Variants in ZNF407 observed in about 807,000 individuals in gnomAD.
ZNF407 encodes zinc finger protein 407.
A neutral mutation model predicts 131.2 loss-of-function variants in ZNF407; 17 were observed. The observed-to-expected ratio is 0.13, with a 90% confidence interval of 0.09 to 0.19. The LOEUF is 0.19. Ranked by LOEUF, ZNF407 falls within the 10% of genes least tolerant of loss-of-function variation. The pLI, the probability that ZNF407 is intolerant of heterozygous loss-of-function variation, is 1.00. For synonymous variants in ZNF407, 1,156 were observed against 1,062.0 expected, an observed-to-expected ratio of 1.09 and a Z score of -1.72; for missense variants, 2,681 against 2,830.6, an observed-to-expected ratio of 0.95 and a Z score of 1.20.
intron 4 of ZNF407, among the ~76,000 whole-genome samples, chr18:74,845,020 G>A (rs1048886431): frequency 1.3e-5 from 2 of 152,184 alleles, no homozygotes; most frequent in Admixed American, 6.5e-5. Context: ...GGAGTAAAGC[G>A]TGTGGCTCAG....
intron 3 of ZNF407, among the ~76,000 whole-genome samples, chr18:74,692,821 C>G (rs1010468141): frequency 2.6e-5 from 4 of 152,138 alleles, no homozygotes; most frequent in Non-Finnish European, 5.9e-5. Flanking sequence ...CCACCCCTCC[C>G]CCAGAGCAGT....
rs1277766548 is a variant in ZNF407 at position 75,024,628 on chromosome 18, A to T, written c.5429-38522A>T. Among the ~76,000 whole-genome samples the T allele has an allele frequency of 2.6e-5, 4 of 152,216 alleles. No homozygotes were observed. The East Asian group carries it at 7.7e-4, about 29-fold the overall frequency. On this transcript the variant is annotated intron_variant, in intron 8 of 8. Transcript: ENST00000299687. ...CTCTGTGTAATGGTGTATATTTTTA[A>T]AGGAATTATCTTGAATAATTTCATC... is the stretch of plus-strand genomic sequence containing the variant.
chr18:74,755,812 A>T (rs376073751), intron 3 of ZNF407, among the ~76,000 whole-genome samples: 10 of 55,868 alleles, frequency 1.8e-4, no homozygotes, highest in Non-Finnish European at 2.3e-4. Context: ...TCATTCGTTC[A>T]TTCATTCCTC....
intron 8 of ZNF407, among the ~76,000 whole-genome samples, chr18:75,055,520 G>A (rs1158481381): frequency 1.3e-5 from 2 of 152,198 alleles, no homozygotes. Flanking sequence ...GCATGAAAAT[G>A]ATAATATAGA....
In ZNF407 at chr18:74,732,634, G is replaced by A. The variant is rs150684028; in HGVS notation, c.4803-48794G>A. ...TAACCAGGAAGTGATAGTAAAATCA[G>A]TTTTGTAATCAGCTTTGTAATTCTC... On this transcript the variant is annotated intron_variant, in intron 3 of 8. Transcript: ENST00000299687. Among the ~76,000 whole-genome samples the A allele has an allele frequency of 2.0e-3, 311 of 152,192 alleles. 1 individual carries two copies. Among genetic ancestry groups the A allele is most frequent in the African/African-American group, 7.0e-3 (292 of 41,538 alleles).
intron 8 of ZNF407, among the ~76,000 whole-genome samples, chr18:75,034,919 T>A (rs533210318): frequency 3.3e-5 from 5 of 152,206 alleles, no homozygotes; most frequent in African/African-American, 1.2e-4. Flanking sequence ...TTCATAACTC[T>A]AGGTAAACAG....
chr18:74,599,172 A>G (rs982443496), intron 1 of ZNF407, among the ~76,000 whole-genome samples: 4 of 152,158 alleles, frequency 2.6e-5, no homozygotes, highest in African/African-American at 7.2e-5. Context: ...GTGTAGTAGG[A>G]ATTATTCCCT....
chr18:74,760,748 C>T (rs1033392276), intron 3 of ZNF407, among the ~76,000 whole-genome samples: 1 of 151,972 alleles, frequency 6.6e-6, no homozygotes, highest in Non-Finnish European at 1.5e-5. Flanking sequence ...GACCGCTCCT[C>T]CTAGCTCCTA....
At chr18:74,616,989 C>T (rs1181105410) in intron 1 of ZNF407, among the ~76,000 whole-genome samples, 15 of 127,168 alleles carry the variant, frequency 1.2e-4, no homozygotes, top group South Asian at 2.5e-4. Context: ...TCCATATCCA[C>T]GCACCACACG....
chr18:74,983,446 G>A (rs911292340), intron 8 of ZNF407, among the ~76,000 whole-genome samples: 5 of 152,260 alleles, frequency 3.3e-5, no homozygotes, highest in South Asian at 2.1e-4. Flanking sequence ...ATAAACTTGC[G>A]TATAACAACC....
At position 74,633,754 on chromosome 18, in the gene ZNF407, G is replaced by A. The variant is rs1260803979; in HGVS notation, c.2735G>A (p.Ser912Asn). The A allele has an allele frequency of 6.2e-7, 1 of 1,613,994 alleles. No individual in the cohort carries two copies. The highest frequency in any genetic ancestry group is 8.5e-7 in the Non-Finnish European group (1 of 1,179,898). ...AAAGGACGGGTAGAAATAGAAGCAA[G>A]TGGAAAACACAGTTCAGATATCATT... ...KHKGRVEIEA[S>N]GKHSSDIIVG... Residue 912 changes from serine (S) to asparagine (N), a missense_variant, in exon 2 of 9, where the codon AGT becomes AAT. Physicochemically the swap from Ser to Asn is conservative, Grantham distance 46. This residue lies in a region of ZNF407 where 1,789 missense variants were observed against 1,748.7 expected (regional missense o/e 1.02). Coordinates refer to ENST00000299687, the MANE Select transcript of ZNF407 (RefSeq NM_017757.3).
At chr18:74,624,682 T>C (rs1430922531) in intron 1 of ZNF407, among the ~76,000 whole-genome samples, 1 of 152,216 alleles carries the variant, frequency 6.6e-6, no homozygotes, top group Non-Finnish European at 1.5e-5. Context: ...GTCGACCAGC[T>C]GCCAGTTTTC....
intron 5 of ZNF407, among the ~76,000 whole-genome samples, chr18:74,878,824 A>AT (rs965750447): frequency 6.6e-6 from 1 of 150,544 alleles, no homozygotes; most frequent in East Asian, 2.0e-4. Flanking sequence ...TTTTCTTAAA[A>AT]TTTTTTTTCT....
At chr18:74,803,976 A>T (rs369661209) in intron 4 of ZNF407, 2 of 1,551,656 alleles carry the variant, frequency 1.3e-6, no homozygotes, top group South Asian at 1.2e-5. Context: ...TAAAGGTTGC[A>T]TATCGAAAGA....
intron 3 of ZNF407, among the ~76,000 whole-genome samples, chr18:74,694,231 T>C (rs1040335230): frequency 6.6e-6 from 1 of 152,150 alleles, no homozygotes; most frequent in Non-Finnish European, 1.5e-5. Context: ...TTAAGTCTTT[T>C]AGAGCAAGTC....
intron 2 of ZNF407, among the ~76,000 whole-genome samples, chr18:74,638,915 C>T (rs1350632006): frequency 6.6e-6 from 1 of 150,962 alleles, no homozygotes; most frequent in African/African-American, 2.4e-5. Flanking sequence ...AAAAAGGGCC[C>T]TTTTTTTTTC....
intron 7 of ZNF407, chr18:74,905,976 T>A (rs146781408): frequency 8.5e-4 from 130 of 152,624 alleles, no homozygotes; most frequent in African/African-American, 3.1e-3. Flanking sequence ...AGTGTAATAG[T>A]GTAATATGGT....
intron 3 of ZNF407, among the ~76,000 whole-genome samples, chr18:74,670,847 A>C (rs1322639687): frequency 6.6e-6 from 1 of 152,128 alleles, no homozygotes; most frequent in African/African-American, 2.4e-5. Flanking sequence ...TAAATTTTTC[A>C]TAGAGATAGG....
intron 3 of ZNF407, among the ~76,000 whole-genome samples, chr18:74,695,550 A>G (rs1305659128): frequency 1.3e-5 from 2 of 152,016 alleles, no homozygotes; most frequent in African/African-American, 4.8e-5. Context: ...AAGAAAAAAA[A>G]AAAAAGCCCT....
Sources: gnomAD v4.1 joint callset for allele counts (sites outside exome capture counted in the v4.1 genomes callset) on GRCh38, gnomAD v4.1.1 for gene constraint, gnomAD v4.1.1 regional missense constraint, MANE v1.5 for transcripts, NCBI Gene and HGNC (gene_info 2026-07-23, HGNC 2026-07-21) for gene names.